The following TG variants were observed in gnomAD, a reference collection of about 807,000 sequenced individuals.
TG encodes thyroglobulin.
A neutral mutation model predicts 324.7 loss-of-function variants in TG; 270 were observed. The observed-to-expected ratio is 0.83, with a 90% CI of 0.75 to 0.92. TG has a LOEUF of 0.92. Ranked by LOEUF, TG falls within the 40% of genes least tolerant of loss-of-function variation. The pLI is 0.00. For missense variants in TG, 3,591 were observed against 3,456.4 expected (o/e 1.04, Z -0.98); for synonymous variants, 1,401 against 1,327.0 (o/e 1.06, Z -1.21).
intron 41 of TG, among the ~76,000 whole-genome samples, chr8:133,092,931 C>T (rs73354628): frequency 0.036 from 5,493 of 152,264 alleles, 338 homozygotes; most frequent in African/African-American, 0.13. Context: ...GTGTGACCCA[C>T]GCCTTTAACC....
Position 132,867,044 on chromosome 8 carries a change from G to A in TG, c.44G>A (p.Cys15Tyr), listed in dbSNP as rs1268394257. Residue 15 changes from cysteine to tyrosine, a missense_variant, in exon 1 of 48, where the codon TGC (cysteine) becomes TAC (tyrosine). By Grantham distance (194) the Cys-to-Tyr change is radical. Coordinates refer to ENST00000220616, the MANE Select transcript of TG (RefSeq NM_003235.5). ...LEIFTLLASI[C>Y]WVSANIFEYQ... is the part of the protein sequence containing the mutation. ...ATCTTCACCCTGCTGGCCTCCATCT[G>A]CTGGGTGTCGGCCAATATCTTCGGT... 6.2e-7 allele frequency: 1 copy of A among 1,601,210 alleles called. No individual in the cohort carries two copies. The highest frequency in any genetic ancestry group is 1.7e-5 in the Admixed American group (1 of 58,922).
intron 14 of TG, among the ~76,000 whole-genome samples, chr8:132,899,950 C>G (rs1346129407): frequency 6.6e-6 from 1 of 152,208 alleles, no homozygotes; most frequent in Admixed American, 6.5e-5. Flanking sequence ...CACTCACCAG[C>G]TGTGAGTTGT....
At chr8:133,060,331 G>T in intron 41 of TG, 1 of 1,553,710 alleles carries the variant, frequency 6.4e-7, no homozygotes, top group Non-Finnish European at 8.7e-7. Flanking sequence ...CTGTTTATAT[G>T]TGAAGATGAG....
Position 132,966,607 on chromosome 8 carries a change from G to A in TG, c.5596G>A (p.Val1866Ile). The A allele has an allele frequency of 1.2e-6, 2 of 1,614,068 alleles. No individual in the cohort carries two copies. Among genetic ancestry groups the A allele is most frequent in the Middle Eastern group, 1.6e-4 (1 of 6,062 alleles). ...CCCTGTGGACCTCAACCAGGTCATT[G>A]TCAATGGAAATCAATCACTATCCAG... is the stretch of plus-strand genomic sequence containing the variant. The part of the protein sequence containing the change: ...FSPVDLNQVI[V>I]NGNQSLSSQK... Residue 1866 changes from valine to isoleucine, a missense_variant, in exon 30 of 48, where the codon GTC (valine) becomes ATC (isoleucine). By Grantham distance (29) the Val-to-Ile change is conservative (BLOSUM62 3). Coordinates refer to ENST00000220616, the MANE Select transcript of TG (RefSeq NM_003235.5).
rs543263911 is a variant in TG at position 132,942,273 on chromosome 8, G to T, written c.5233+731G>T. On this transcript the variant is annotated intron_variant, in intron 26 of 47. Coordinates refer to ENST00000220616, the MANE Select transcript of TG (RefSeq NM_003235.5). The stretch of plus-strand genomic sequence containing the variant: ...ATAGAGATAATGATACTTTCTACTG[G>T]ACTACTTGTTATAAAGATAATGAGT... Among the ~76,000 whole-genome samples, 12 of 152,280 alleles carry T rather than the reference G, an allele frequency of 7.9e-5. No individual in the cohort carries two copies. In the South Asian group the frequency reaches 2.5e-3, roughly 32 times the overall value.
rs377170947 is a variant in TG at position 133,050,866 on chromosome 8, G to A, written c.7239+20843G>A. The A allele has an allele frequency of 1.2e-5, 19 of 1,613,872 alleles. No homozygotes were observed. The African/African-American group carries it at 2.4e-4, about 20-fold the overall frequency. Reference sequence around the variant, plus strand: ...CTCGGCGGAATATCGGGGGGCTGATGTCAGGAGACGGGTAGTCACTTAGCA... The same window carrying A: ...CTCGGCGGAATATCGGGGGGCTGATATCAGGAGACGGGTAGTCACTTAGCA... On this transcript the variant is annotated intron_variant, in intron 41 of 47. Transcript: ENST00000220616.
intron 26 of TG, among the ~76,000 whole-genome samples, chr8:132,947,173 G>C (rs1012352018): frequency 1.3e-5 from 2 of 152,168 alleles, no homozygotes; most frequent in South Asian, 4.2e-4. Flanking sequence ...TCTGTGCCTC[G>C]GTTTCCCCAT....
At chr8:133,018,410 T>C (rs746388168) in intron 38 of TG, among the ~76,000 whole-genome samples, 1 of 152,158 alleles carries the variant, frequency 6.6e-6, no homozygotes, top group Non-Finnish European at 1.5e-5. Context: ...GGCACCGCTA[T>C]TGCAGTGGCC....
chr8:132,887,283 G>A lies in TG; in HGVS notation c.1911G>A (p.Trp637Ter), dbSNP rs745548824. 4 of 1,604,030 alleles carry A rather than the reference G, an allele frequency of 2.5e-6. No homozygotes were observed. The highest frequency in any genetic ancestry group is 3.4e-6 in the Non-Finnish European group (4 of 1,173,632). The change falls in exon 9 of 48, where the codon TGG (tryptophan) becomes TGA (stop). Residue 637 changes from tryptophan to a stop codon, truncating the protein, a stop_gained. Coordinates refer to ENST00000220616, the MANE Select transcript of TG (RefSeq NM_003235.5). LOFTEE classifies it high-confidence loss of function. ...EDVQCFSGECWCVNSWGKELP... is the reference protein window; with the variant it reads ...EDVQCFSGEC ...TCCAATGCTTTTCCGGAGAGTGCTGGTGTGTGAATTCCTGGGGCAAAGAGC... is the reference window on the plus strand; with the variant it reads ...TCCAATGCTTTTCCGGAGAGTGCTGATGTGTGAATTCCTGGGGCAAAGAGC...
At position 132,969,551 on chromosome 8, in the gene TG, A is replaced by G. The variant is rs1829166154; in HGVS notation, c.5957A>G (p.Glu1986Gly). Residue 1986 changes from glutamate (E) to glycine (G), a missense_variant, in exon 32 of 48, where the codon GAA (glutamate) becomes GGA (glycine). By Grantham distance (98) the Glu-to-Gly change is moderately conservative. Transcript: ENST00000220616. ...ATTAGAAATAAAGTGCCCATGTCTGAAAAATCTATTTCTAATGGGTAAGCT... is the reference window on the plus strand; with the variant it reads ...ATTAGAAATAAAGTGCCCATGTCTGGAAAATCTATTTCTAATGGGTAAGCT... Reference protein sequence around the residue: ...ISIRNKVPMSEKSISNGFFEC... With the variant: ...ISIRNKVPMSGKSISNGFFEC... The G allele has an allele frequency of 1.2e-6, 2 of 1,611,188 alleles. No individual in the cohort carries two copies. The highest frequency in any genetic ancestry group is 1.7e-6 in the Non-Finnish European group (2 of 1,177,370).
intron 26 of TG, 87 bp downstream of exon 26, chr8:132,941,629 A>C: frequency 6.6e-7 from 1 of 1,512,358 alleles, no homozygotes; most frequent in South Asian, 1.1e-5. Context: ...ATGGAGCTGC[A>C]TGGGGAGTAC....
chr8:132,928,418 T>C (rs772430862), intron 22 of TG, among the ~76,000 whole-genome samples: 1 of 152,202 alleles, frequency 6.6e-6, no homozygotes, highest in Non-Finnish European at 1.5e-5. Flanking sequence ...AGAGTTAGCC[T>C]CCATGCTTTC....
chr8:132,960,899 T>G, intron 27 of TG, 109 bp from the exon 28 acceptor site: 2 of 1,123,200 alleles, frequency 1.8e-6, no homozygotes. Context: ...AAACAGAGTT[T>G]TCAGGCCTAG....
intron 41 of TG, among the ~76,000 whole-genome samples, chr8:133,068,255 C>T (rs1564146460): frequency 6.6e-6 from 1 of 152,342 alleles, no homozygotes; most frequent in East Asian, 1.9e-4. Flanking sequence ...GCCCATCTAT[C>T]TGTCAACCAG....
chr8:133,064,710 G>A (rs531908072), intron 41 of TG, among the ~76,000 whole-genome samples: 1 of 152,282 alleles, frequency 6.6e-6, no homozygotes, highest in South Asian at 2.1e-4. Flanking sequence ...CTCTTAATAG[G>A]TTTCTGTTTC....
Position 132,933,555 on chromosome 8 carries a change from T to C in TG, c.4817-6T>C. On this transcript the variant is annotated splice_region_variant and splice_polypyrimidine_tract_variant and intron_variant, in intron 23 of 47. Transcript: ENST00000220616. ...CAGGTGAGTGACCGTCCCATGGTGCTTGCAGATTGCACAGAGGACGAGGCC... is the reference window on the plus strand; with the variant it reads ...CAGGTGAGTGACCGTCCCATGGTGCCTGCAGATTGCACAGAGGACGAGGCC... The C allele has an allele frequency of 6.2e-7, 1 of 1,613,896 alleles. No homozygotes were observed. The highest frequency in any genetic ancestry group is 8.5e-7 in the Non-Finnish European group (1 of 1,179,806).
intron 35 of TG, among the ~76,000 whole-genome samples, chr8:133,009,929 CT>C (rs2130877645): frequency 6.6e-6 from 1 of 152,266 alleles, no homozygotes; most frequent in South Asian, 2.1e-4. Context: ...AAACATGGCA[CT>C]AGATTGTTTT....
At chr8:133,012,368 T>C (rs2130889941) in intron 36 of TG, among the ~76,000 whole-genome samples, 1 of 152,278 alleles carries the variant, frequency 6.6e-6, no homozygotes, top group Non-Finnish European at 1.5e-5. Flanking sequence ...AGGTGGGCTG[T>C]TGTGGTGAGG....
intron 25 of TG, 52 bp from the exon 26 acceptor site, chr8:132,941,299 A>C: frequency 6.2e-7 from 1 of 1,608,726 alleles, no homozygotes. Flanking sequence ...AGCTCTGTCC[A>C]ACTCTGCCAT....
Sources: gnomAD v4.1 joint callset for allele counts (sites outside exome capture counted in the v4.1 genomes callset) on GRCh38, gnomAD v4.1.1 for gene constraint, MANE v1.5 for transcripts, NCBI Gene and HGNC (gene_info 2026-07-23, HGNC 2026-07-21) for gene names.